The following OSGEPL1 variants were observed in gnomAD, a reference collection of about 807,000 sequenced individuals.
The protein encoded by OSGEPL1 is O-sialoglycoprotein endopeptidase like 1.
OSGEPL1 carries 26 observed loss-of-function variants against 37.2 expected under a neutral mutation model. That is an observed-to-expected ratio of 0.70 (90% CI 0.51 to 0.97). The LOEUF (loss-of-function observed/expected upper bound fraction) is 0.97, where lower values mean the gene tolerates loss of function less well. Among genes scored for constraint, OSGEPL1 ranks in the 50% least tolerant of loss-of-function variants. The pLI is 0.00. For synonymous variants in OSGEPL1, 140 were observed against 159.9 expected, an observed-to-expected ratio of 0.88 and a Z score of 0.94; for missense variants, 404 against 487.0, an observed-to-expected ratio of 0.83 and a Z score of 1.60.
Position 189,754,344 on chromosome 2 carries a change from A to G in OSGEPL1, c.611T>C (p.Val204Ala). ...DIAPGDMLDK[V>A]ARRLSLIKHP... ...TTTTATTAAAGAAAGTCTTCTTGCC[A>G]CCTATCAAAGAAACATATTTTTTAG... Residue 204 changes from valine (V) to alanine (A), a missense_variant and splice_region_variant, in exon 4 of 9, where the codon GTG becomes GCG. Coordinates refer to ENST00000264151, the MANE Select transcript of OSGEPL1 (RefSeq NM_022353.3). 1 of 1,597,924 alleles carries G rather than the reference A, an allele frequency of 6.3e-7. No individual in the cohort carries two copies. Among genetic ancestry groups the G allele is most frequent in the Non-Finnish European group, 8.5e-7 (1 of 1,172,086 alleles).
intron 1 of OSGEPL1, 114 bp downstream of exon 1, chr2:189,762,571 C>A (rs2047270264): frequency 5.1e-6 from 5 of 984,882 alleles, no homozygotes; most frequent in Non-Finnish European, 6.0e-6. Context: ...ACCCACGTGA[C>A]TTGGGTAGCG....
Position 189,750,603 on chromosome 2 carries a change from A to C in OSGEPL1, c.1220T>G (p.Val407Gly). The change falls in exon 8 of 9, where the codon GTA becomes GGA. Residue 407 changes from valine (V) to glycine (G), a missense_variant. Val to Gly is a moderately radical substitution (Grantham distance 109). Transcript: ENST00000264151. ...SKEVGEASIK[V>G]PQLKMEI Reference sequence around the variant, plus strand: ...TCATATCTCCATTTTTAATTGTGGTACTTTTATGGAAGCTTCTCCAACTTC... The same window carrying C: ...TCATATCTCCATTTTTAATTGTGGTCCTTTTATGGAAGCTTCTCCAACTTC... 1 of 1,589,322 alleles carries C rather than the reference A, an allele frequency of 6.3e-7. No homozygotes were observed. The highest frequency in any genetic ancestry group is 8.6e-7 in the Non-Finnish European group (1 of 1,165,422).
At chr2:189,760,937 C>T (rs1407133304) in intron 2 of OSGEPL1, among the ~76,000 whole-genome samples, 1 of 152,186 alleles carries the variant, frequency 6.6e-6, no homozygotes, top group African/African-American at 2.4e-5. Flanking sequence ...TTTATCTTGT[C>T]CATTTATTTA....
chr2:189,753,780 T>C (rs888291836), intron 5 of OSGEPL1, 136 bp downstream of exon 5: 5 of 949,314 alleles, frequency 5.3e-6, no homozygotes, highest in Middle Eastern at 3.4e-4. Context: ...GTCTTTCCTA[T>C]CCTGCATAAT....
upstream of OSGEPL1, chr2:189,762,918 C>G: frequency 1.0e-6 from 1 of 985,238 alleles, no homozygotes; most frequent in African/African-American, 1.7e-5. Context: ...ACCTGCATTT[C>G]CCCCAGATTT....
In OSGEPL1 at chr2:189,754,178, A is replaced by G; in HGVS notation, c.777T>C (p.Val259=). ...CCTTTTTCATTATTATTTTATCAGT[A>G]ACGTGTTGAAGTCCAGTAAAAGAAA... ...CDFSFTGLQH[V]TDKIIMKKEK... is the part of the protein sequence containing the mutation. The change falls in exon 4 of 9, where the codon GTT becomes GTC. Residue 259 remains valine (V), a synonymous_variant. Coordinates refer to ENST00000264151, the MANE Select transcript of OSGEPL1 (RefSeq NM_022353.3). 1.2e-6 allele frequency: 2 copies of G among 1,613,814 alleles called. No homozygotes were observed. Among genetic ancestry groups the G allele is most frequent in the Non-Finnish European group, 1.7e-6 (2 of 1,179,768 alleles).
chr2:189,755,699 A>ATGTT, intron 2 of OSGEPL1, 139 bp from the exon 3 acceptor site: 3 of 872,048 alleles, frequency 3.4e-6, no homozygotes, highest in Non-Finnish European at 5.0e-6. Flanking sequence ...TGTGCCTTCT[A>ATGTT]ACATAGCACA....
At chr2:189,757,969 T>C (rs1412498747) in intron 2 of OSGEPL1, among the ~76,000 whole-genome samples, 1 of 152,246 alleles carries the variant, frequency 6.6e-6, no homozygotes, top group Non-Finnish European at 1.5e-5. Context: ...AAATCTCATG[T>C]AGAATGGTAA....
At chr2:189,762,835 T>C, upstream of OSGEPL1, 2 of 985,436 alleles carry the variant, frequency 2.0e-6, no homozygotes, top group Non-Finnish European at 2.4e-6. Context: ...CTGGCTGCTG[T>C]TCCGCTAGCG....
chr2:189,761,925 A>C (rs1454917537), intron 1 of OSGEPL1, among the ~76,000 whole-genome samples: 1 of 152,192 alleles, frequency 6.6e-6, no homozygotes, highest in Non-Finnish European at 1.5e-5. Context: ...TAAGACAGCT[A>C]ATATAAAGTA....
At chr2:189,755,620 T>C (rs766489407) in intron 2 of OSGEPL1, 60 bp from the exon 3 acceptor site, 147 of 1,514,538 alleles carry the variant, frequency 9.7e-5, no homozygotes, top group Non-Finnish European at 1.2e-4. Flanking sequence ...AGAAAAATGA[T>C]ATTACAGCTA....
intron 1 of OSGEPL1, among the ~76,000 whole-genome samples, 200 bp from the exon 2 acceptor site, chr2:189,761,860 A>C (rs1261321523): frequency 6.6e-6 from 1 of 152,194 alleles, no homozygotes; most frequent in Non-Finnish European, 1.5e-5. Context: ...GTCAGATATA[A>C]AATTTTTTAG....
rs535872028 is a variant in OSGEPL1, at chr2:189,748,265, C to T, written c.*29-1097G>A. Among the ~76,000 whole-genome samples, 61 of 152,298 alleles carry T rather than the reference C, an allele frequency of 4.0e-4. No homozygotes were observed. In the South Asian group the frequency reaches 7.0e-3, roughly 18 times the overall value. ...TTACCCAGGTTGGACGGCAATAGTGCAATCATAGCTCACTGTAGCCTATAA... is the reference window on the plus strand; with the variant it reads ...TTACCCAGGTTGGACGGCAATAGTGTAATCATAGCTCACTGTAGCCTATAA... On this transcript the variant is annotated intron_variant, in intron 8 of 8. Transcript: ENST00000264151.
intron 2 of OSGEPL1, among the ~76,000 whole-genome samples, chr2:189,756,697 C>T (rs1574892421): frequency 6.6e-6 from 1 of 152,104 alleles, no homozygotes; most frequent in East Asian, 1.9e-4. Flanking sequence ...CTTTCTCTCC[C>T]TCACTCTCCG....
chr2:189,750,528 T>G, intron 8 of OSGEPL1, 22 bp downstream of exon 8: 1 of 949,284 alleles, frequency 1.1e-6, no homozygotes, highest in Non-Finnish European at 1.6e-6. Context: ...CAATAAAAAC[T>G]TAATTTTAAC....
chr2:189,756,396 G>A (rs2046100152), intron 2 of OSGEPL1, among the ~76,000 whole-genome samples: 1 of 152,034 alleles, frequency 6.6e-6, no homozygotes, highest in East Asian at 1.9e-4. Context: ...TCTGCAAAAC[G>A]CACTGCTAGT....
intron 2 of OSGEPL1, 48 bp from the exon 3 acceptor site, chr2:189,755,608 G>A: frequency 6.5e-7 from 1 of 1,543,810 alleles, no homozygotes; most frequent in African/African-American, 1.4e-5. Context: ...TTGTAAAAAT[G>A]AAGAAAAATG....
At position 189,754,333 on chromosome 2, in the gene OSGEPL1, GTC is replaced by G. The variant is rs2045734768; in HGVS notation, c.620_621del (p.Arg207ThrfsTer27). 6.2e-7 allele frequency: 1 copy of G among 1,604,226 alleles called. No individual in the cohort carries two copies. Among genetic ancestry groups the G allele is most frequent in the Admixed American group, 1.7e-5 (1 of 58,694 alleles). On this transcript the variant is annotated frameshift_variant, in exon 4 of 9. Coordinates refer to ENST00000264151, the MANE Select transcript of OSGEPL1 (RefSeq NM_022353.3). LOFTEE classifies it high-confidence loss of function. ...PGDMLDKVARRLSLIKHPECS... is the reference protein window; with the variant it reads ...PGDMLDKVARXLSLIKHPECS... ...CACTCTGGATGTTTTATTAAAGAAAGTCTTCTTGCCACCTATCAAAGAAACAT... is the reference window on the plus strand; with the variant it reads ...CACTCTGGATGTTTTATTAAAGAAAGTTCTTGCCACCTATCAAAGAAACAT...
In OSGEPL1 at chr2:189,755,537, G is replaced by A. The variant is rs2106015806; in HGVS notation, c.245C>T (p.Ala82Val). Residue 82 changes from alanine to valine, a missense_variant, in exon 3 of 9, where the codon GCA becomes GTA. Transcript: ENST00000264151. ...HLKTGGIVPP[A>V]AQQLHRENIQ... The stretch of plus-strand genomic sequence containing the variant: ...ATTTTCTCTGTGAAGCTGTTGAGCT[G>A]CTGGAGGAACAATCCCACCTGTTCT... The A allele has an allele frequency of 6.3e-7, 1 of 1,599,420 alleles. No homozygotes were observed. The highest frequency in any genetic ancestry group is 1.1e-5 in the South Asian group (1 of 87,292).
Sources: gnomAD v4.1 joint callset for allele counts (sites outside exome capture counted in the v4.1 genomes callset) on GRCh38, gnomAD v4.1.1 for gene constraint, MANE v1.5 for transcripts, NCBI Gene and HGNC (gene_info 2026-07-23, HGNC 2026-07-21) for gene names.